Variants in TAFA1 observed in about 807,000 individuals in gnomAD.
TAFA1 encodes the protein chemokine-like protein TAFA-1.
In TAFA1, 4 loss-of-function variants were observed where a neutral mutation model predicts 18.5. That is an observed-to-expected ratio of 0.22 (90% CI 0.11 to 0.49). TAFA1 has a LOEUF of 0.49. TAFA1 is among the 20% of genes least tolerant of loss of function. TAFA1 has a pLI of 0.98. For missense variants in TAFA1, 147 were observed against 169.0 expected (o/e 0.87, Z 0.72); for synonymous variants, 56 against 55.2 (o/e 1.01, Z -0.06).
At chr3:68,451,980 G>A (rs140868721) in intron 3 of TAFA1, among the ~76,000 whole-genome samples, 1 of 152,296 alleles carries the variant, frequency 6.6e-6, no homozygotes, top group African/African-American at 2.4e-5. Flanking sequence ...GGATGGAACC[G>A]TGAAGGAATC....
At chr3:68,197,853 TC>T (rs898162274) in intron 2 of TAFA1, among the ~76,000 whole-genome samples, 1 of 151,750 alleles carries the variant, frequency 6.6e-6, no homozygotes, top group African/African-American at 2.4e-5. Flanking sequence ...GTTTAATTGT[TC>T]CTGTATATAG....
intron 2 of TAFA1, among the ~76,000 whole-genome samples, chr3:68,080,862 C>T (rs1387340048): frequency 6.6e-6 from 1 of 152,126 alleles, no homozygotes. Context: ...GTTGGCCTAC[C>T]TTGCTAGATT....
At chr3:68,162,297 G>T (rs995623141) in intron 2 of TAFA1, among the ~76,000 whole-genome samples, 1 of 152,088 alleles carries the variant, frequency 6.6e-6, no homozygotes, top group African/African-American at 2.4e-5. Flanking sequence ...GTTGGGGGAT[G>T]GTTTCAGGAT....
chr3:68,181,939 G>A (rs1344969215), intron 2 of TAFA1, among the ~76,000 whole-genome samples: 1 of 152,200 alleles, frequency 6.6e-6, no homozygotes, highest in Admixed American at 6.5e-5. Flanking sequence ...GGGGATGGTA[G>A]TTCATGCCTG....
intron 2 of TAFA1, among the ~76,000 whole-genome samples, chr3:68,218,006 T>C (rs1043850178): frequency 2.0e-5 from 3 of 152,106 alleles, no homozygotes; most frequent in African/African-American, 7.2e-5. Flanking sequence ...TGTGCCTTCC[T>C]GGGAAGAGCA....
intron 3 of TAFA1, among the ~76,000 whole-genome samples, chr3:68,441,962 G>C (rs1273328563): frequency 6.6e-6 from 1 of 152,110 alleles, no homozygotes; most frequent in East Asian, 1.9e-4. Flanking sequence ...AAGGATAAAT[G>C]GCCAGATGTG....
At chr3:68,432,826 G>A (rs1406400197) in intron 3 of TAFA1, among the ~76,000 whole-genome samples, 1 of 151,990 alleles carries the variant, frequency 6.6e-6, no homozygotes, top group Non-Finnish European at 1.5e-5. Flanking sequence ...GGAACTAGGA[G>A]TGTGCATTTC....
At chr3:68,328,200 A>G (rs1234781501) in intron 2 of TAFA1, among the ~76,000 whole-genome samples, 2 of 152,164 alleles carry the variant, frequency 1.3e-5, no homozygotes, top group Non-Finnish European at 2.9e-5. Flanking sequence ...GTTTTCATGA[A>G]TCAGCTGGTT....
Position 68,334,111 on chromosome 3 carries a change from A to G in TAFA1, c.119-83169A>G, listed in dbSNP as rs569803511. ...GGAAACTATAGTTAATATACTGTAT[A>G]TTTGAAATTTGCCAAGAGAGTAAAT... On this transcript the variant is annotated intron_variant, in intron 2 of 4. Transcript: ENST00000478136. Among the ~76,000 whole-genome samples, 7 of 152,326 alleles carry G rather than the reference A, an allele frequency of 4.6e-5. No homozygotes were observed. The South Asian group carries it at 1.4e-3, about 32-fold the overall frequency.
intron 2 of TAFA1, among the ~76,000 whole-genome samples, chr3:68,075,327 G>A (rs2064809840): frequency 6.6e-6 from 1 of 152,090 alleles, no homozygotes; most frequent in Non-Finnish European, 1.5e-5. Flanking sequence ...CCTTCAATGA[G>A]TTTCCTTCCC....
chr3:68,338,527 T>C (rs920128471), intron 2 of TAFA1, among the ~76,000 whole-genome samples: 1 of 152,118 alleles, frequency 6.6e-6, no homozygotes, highest in African/African-American at 2.4e-5. Flanking sequence ...TTGAACCCTT[T>C]ATAATGAAGC....
upstream of TAFA1, among the ~76,000 whole-genome samples, chr3:68,000,317 A>G (rs1462785820): frequency 6.6e-6 from 1 of 152,206 alleles, no homozygotes; most frequent in Non-Finnish European, 1.5e-5. Context: ...GCATTAAACA[A>G]ATAATTCCAG....
chr3:68,031,574 G>A (rs973935789), intron 2 of TAFA1, among the ~76,000 whole-genome samples: 7 of 152,134 alleles, frequency 4.6e-5, no homozygotes, highest in African/African-American at 1.7e-4. Context: ...GGAGATGGCC[G>A]GGAGAAAGAT....
At chr3:68,147,822 C>A (rs536460538) in intron 2 of TAFA1, among the ~76,000 whole-genome samples, 1 of 152,308 alleles carries the variant, frequency 6.6e-6, no homozygotes, top group South Asian at 2.1e-4. Context: ...ACAGGGCTCA[C>A]ACCTGCCCTG....
intron 3 of TAFA1, among the ~76,000 whole-genome samples, chr3:68,440,810 G>GAT (rs1297812309): frequency 6.6e-6 from 1 of 152,086 alleles, no homozygotes; most frequent in Non-Finnish European, 1.5e-5. Context: ...ATTTTATCTT[G>GAT]ATAATACAGG....
intron 2 of TAFA1, among the ~76,000 whole-genome samples, chr3:68,370,713 CA>C (rs1213679216): frequency 1.4e-5 from 2 of 147,012 alleles, no homozygotes; most frequent in African/African-American, 5.0e-5. Flanking sequence ...ATAAGAGCCA[CA>C]AAAGTACTCC....
intron 3 of TAFA1, among the ~76,000 whole-genome samples, chr3:68,475,700 G>C (rs1367889570): frequency 5.3e-5 from 8 of 152,066 alleles, no homozygotes; most frequent in Non-Finnish European, 1.0e-4. Flanking sequence ...GGGTCAAATG[G>C]TATTTCTAGT....
intron 2 of TAFA1, among the ~76,000 whole-genome samples, chr3:68,047,459 G>A (rs752013101): frequency 6.6e-5 from 10 of 152,170 alleles, no homozygotes; most frequent in Non-Finnish European, 1.0e-4. Flanking sequence ...ATGGGTAGCA[G>A]CCACTTTTAA....
At chr3:68,074,094 A>T (rs994128310) in intron 2 of TAFA1, among the ~76,000 whole-genome samples, 2 of 152,164 alleles carry the variant, frequency 1.3e-5, no homozygotes, top group African/African-American at 4.8e-5. Context: ...GGAGACAGTG[A>T]CAGATCATCA....
Sources: allele counts gnomAD v4.1 joint callset (sites outside exome capture counted in the v4.1 genomes callset), GRCh38; gene constraint gnomAD v4.1.1; transcripts MANE v1.5; gene names NCBI Gene and HGNC (gene_info 2026-07-23, HGNC 2026-07-21).